The following COL6A6 variants were observed in gnomAD, a reference collection of about 807,000 sequenced individuals.
COL6A6 encodes collagen alpha-6(VI) chain.
A neutral mutation model predicts 208.6 loss-of-function variants in COL6A6; 183 were observed. That is an observed-to-expected ratio of 0.88 (90% CI 0.78 to 0.99). The LOEUF is 0.99. COL6A6 is among the 50% of genes least tolerant of loss of function. The pLI is 0.00. For missense variants in COL6A6, 2,816 were observed against 2,815.2 expected, an observed-to-expected ratio of 1.00 and a Z score of -0.01; for synonymous variants, 973 against 1,011.8, an observed-to-expected ratio of 0.96 and a Z score of 0.73.
At chr3:130,643,430 G>C (rs2065375906) in intron 31 of COL6A6, among the ~76,000 whole-genome samples, 1 of 152,166 alleles carries the variant, frequency 6.6e-6, no homozygotes, top group Admixed American at 6.5e-5. Context: ...GTGGGTGCGA[G>C]TCCTGACTTT....
intron 2 of COL6A6, among the ~76,000 whole-genome samples, chr3:130,562,071 T>A (rs974791922): frequency 4.6e-5 from 7 of 152,236 alleles, no homozygotes; most frequent in Admixed American, 4.6e-4. Flanking sequence ...CATTATGCTG[T>A]ATTTCCTTAA....
At chr3:130,663,859 T>C (rs2065999969) in intron 35 of COL6A6, among the ~76,000 whole-genome samples, 1 of 152,226 alleles carries the variant, frequency 6.6e-6, no homozygotes, top group South Asian at 2.1e-4. Flanking sequence ...CTTAGATCTA[T>C]AAATCTTCAA....
intron 18 of COL6A6, among the ~76,000 whole-genome samples, chr3:130,594,838 T>A (rs186041806): frequency 9.8e-5 from 15 of 152,322 alleles, no homozygotes. Context: ...GGACGTCTTA[T>A]ATGGCAGCAG....
intron 11 of COL6A6, among the ~76,000 whole-genome samples, 163 bp from the exon 12 acceptor site, chr3:130,588,917 CAAAAAAAAAA>C (rs58377635): frequency 4.4e-5 from 3 of 68,278 alleles, no homozygotes; most frequent in Non-Finnish European, 6.9e-5. Flanking sequence ...AAGATGGAAG[CAAAAAAAAAA>C]AAAAAAAAAA....
chr3:130,556,668 C>A (rs997699754), intron 1 of COL6A6, among the ~76,000 whole-genome samples: 1 of 151,924 alleles, frequency 6.6e-6, no homozygotes, highest in Non-Finnish European at 1.5e-5. Flanking sequence ...ATTGTAGTAT[C>A]TATTTCTTAG....
Position 130,666,824 on chromosome 3 carries a change from A to G in COL6A6, c.6596+1728A>G, listed in dbSNP as rs150324088. Reference sequence around the variant, plus strand: ...AGATTATCATTTTCTAGAACTTATGAATGACATGAATTCACAGATGAAGAA... The same window carrying G: ...AGATTATCATTTTCTAGAACTTATGGATGACATGAATTCACAGATGAAGAA... On this transcript the variant is annotated intron_variant, in intron 36 of 36. Coordinates refer to ENST00000358511, the MANE Select transcript of COL6A6 (RefSeq NM_001102608.3). Among the ~76,000 whole-genome samples the G allele has an allele frequency of 1.7e-4, 26 of 152,312 alleles. 2 individuals carry two copies. Among genetic ancestry groups the G allele is most frequent in the African/African-American group, 6.0e-4 (25 of 41,566 alleles).
At position 130,565,341 on chromosome 3, in the gene COL6A6, G is replaced by A. The variant is rs1029580703; in HGVS notation, c.1009G>A (p.Val337Met). The change falls in exon 4 of 37, where the codon GTG becomes ATG. Residue 337 changes from valine to methionine, a missense_variant. Coordinates refer to ENST00000358511, the MANE Select transcript of COL6A6 (RefSeq NM_001102608.3). The part of the protein sequence containing the change: ...RKNQGVPQIA[V>M]LVTHRDSEDN... ...GAATCAGGGGGTGCCCCAGATTGCC[G>A]TGCTGGTGACCCACCGAGATTCAGA... 23 of 1,609,030 alleles carry A rather than the reference G, an allele frequency of 1.4e-5. No individual in the cohort carries two copies. Among genetic ancestry groups the A allele is most frequent in the South Asian group, 2.2e-5 (2 of 90,720 alleles).
At position 130,661,781 on chromosome 3, in the gene COL6A6, TA is replaced by T. The variant is rs1379491290; in HGVS notation, c.5976del (p.Asp1993IlefsTer21). On this transcript the variant is annotated frameshift_variant, in exon 35 of 37. Transcript: ENST00000358511. LOFTEE classifies it high-confidence loss of function. ...ATAAGAGCCTTCCTTGGAGCACTAT[TA>T]GATCACTTTGAAATCACCCCAGAGC... ...EDIRAFLGAL[L>X]DHFEITPEPE... is the part of the protein sequence containing the mutation. 1 of 1,613,846 alleles carries T rather than the reference TA, an allele frequency of 6.2e-7. No homozygotes were observed. Among genetic ancestry groups the T allele is most frequent in the Non-Finnish European group, 8.5e-7 (1 of 1,179,880 alleles).
chr3:130,600,675 G>A lies in COL6A6; in HGVS notation c.4653+865G>A, dbSNP rs920122301. ...TGGGAGTTGAACATTGAGAACACAT[G>A]GACACAGGGGAACAACACACACCAG... On this transcript the variant is annotated intron_variant, in intron 20 of 36. Coordinates refer to ENST00000358511, the MANE Select transcript of COL6A6 (RefSeq NM_001102608.3). 7.2e-5 allele frequency among the ~76,000 whole-genome samples: 11 copies of A among 152,228 alleles called. No homozygotes were observed. In the East Asian group the frequency reaches 1.5e-3, roughly 21 times the overall value.
chr3:130,669,594 G>C (rs1294508769), intron 36 of COL6A6, among the ~76,000 whole-genome samples: 1 of 152,038 alleles, frequency 6.6e-6, no homozygotes, highest in East Asian at 1.9e-4. Context: ...TAATTCTCAT[G>C]TGAGAAAAGT....
chr3:130,592,668 C>T (rs2063748431), intron 14 of COL6A6, 28 bp from the exon 15 acceptor site: 1 of 1,612,568 alleles, frequency 6.2e-7, no homozygotes, highest in East Asian at 2.2e-5. Flanking sequence ...TTTTCCTACA[C>T]TAACTATAAC....
chr3:130,651,782 C>T (rs778079265), intron 33 of COL6A6, among the ~76,000 whole-genome samples: 1 of 152,206 alleles, frequency 6.6e-6, no homozygotes, highest in Non-Finnish European at 1.5e-5. Flanking sequence ...AGACAACTTT[C>T]TCTCCTGATG....
chr3:130,528,327 T>G (rs1309337290), intron 1 of COL6A6, among the ~76,000 whole-genome samples: 1 of 152,150 alleles, frequency 6.6e-6, no homozygotes, highest in Non-Finnish European at 1.5e-5. Flanking sequence ...CTGGGGACCT[T>G]GTTAAATTGT....
At chr3:130,653,776 C>T (rs530032031) in intron 33 of COL6A6, among the ~76,000 whole-genome samples, 62 of 152,102 alleles carry the variant, frequency 4.1e-4, no homozygotes, top group Non-Finnish European at 7.9e-4. Flanking sequence ...ACTACATCTT[C>T]CAGACTTTAT....
At chr3:130,622,634 G>C (rs1303313384) in intron 24 of COL6A6, among the ~76,000 whole-genome samples, 1 of 151,906 alleles carries the variant, frequency 6.6e-6, no homozygotes. Flanking sequence ...GAGGTGGGCA[G>C]ATCACGAGGT....
At chr3:130,567,494 C>T (rs1031607085) in intron 5 of COL6A6, among the ~76,000 whole-genome samples, 1 of 152,198 alleles carries the variant, frequency 6.6e-6, no homozygotes, top group African/African-American at 2.4e-5. Flanking sequence ...TATTAATCAG[C>T]TTCCTCTCAC....
chr3:130,542,412 T>A (rs566364452), intron 1 of COL6A6, among the ~76,000 whole-genome samples: 3 of 152,332 alleles, frequency 2.0e-5, no homozygotes. Context: ...CCTGTTTTTT[T>A]AAATTTGTGA....
intron 20 of COL6A6, among the ~76,000 whole-genome samples, chr3:130,601,138 G>C (rs148330360): frequency 1.1e-4 from 16 of 152,062 alleles, no homozygotes; most frequent in African/African-American, 3.9e-4. Flanking sequence ...AGGCTGTCTC[G>C]TTTCATTTTG....
At chr3:130,581,357 G>C (rs1043478224) in intron 8 of COL6A6, among the ~76,000 whole-genome samples, 2 of 152,092 alleles carry the variant, frequency 1.3e-5, no homozygotes, top group Non-Finnish European at 2.9e-5. Context: ...TATATGACCT[G>C]AAAAAATAAT....
Sources: allele counts gnomAD v4.1 joint callset (sites outside exome capture counted in the v4.1 genomes callset), GRCh38; gene constraint gnomAD v4.1.1; transcripts MANE v1.5; gene names NCBI Gene and HGNC (gene_info 2026-07-23, HGNC 2026-07-21).